The following PSMD14 variants were observed in gnomAD, a reference collection of about 807,000 sequenced individuals.
The protein encoded by PSMD14 is proteasome 26S subunit, non-ATPase 14.
Under a neutral mutation model 41.2 loss-of-function variants are expected in PSMD14, and 7 were observed. That is an observed-to-expected ratio of 0.17 (90% CI 0.10 to 0.32). The LOEUF is 0.32. Among genes scored for constraint, PSMD14 ranks in the 10% least tolerant of loss-of-function variants. The pLI, the probability that PSMD14 is intolerant of heterozygous loss-of-function variation, is 1.00. For missense variants in PSMD14, 139 were observed against 375.6 expected (o/e 0.37, Z 5.21); for synonymous variants, 114 against 122.3 (o/e 0.93, Z 0.45).
chr2:161,358,666 C>T lies in PSMD14; in HGVS notation c.49-8812C>T, dbSNP rs781717029. 4.9e-4 allele frequency among the ~76,000 whole-genome samples: 75 copies of T among 152,142 alleles called. 1 individual carries two copies. The highest frequency in any genetic ancestry group is 7.6e-4 in the Non-Finnish European group (52 of 68,034). ...TTTTTTCATGTTTAAAGAGCCTGGCCGGGCACGGTGGCTCACGCCTGTAAT... is the reference window on the plus strand; with the variant it reads ...TTTTTTCATGTTTAAAGAGCCTGGCTGGGCACGGTGGCTCACGCCTGTAAT... On this transcript the variant is annotated intron_variant, in intron 3 of 11. Transcript: ENST00000409682.
chr2:161,338,731 G>A (rs1258970273), intron 3 of PSMD14, among the ~76,000 whole-genome samples: 1 of 152,016 alleles, frequency 6.6e-6, no homozygotes, highest in Non-Finnish European at 1.5e-5. Context: ...ATTTACTCAG[G>A]AAACCATCAC....
intron 3 of PSMD14, among the ~76,000 whole-genome samples, chr2:161,344,079 C>A (rs1683007004): frequency 6.9e-6 from 1 of 145,288 alleles, no homozygotes; most frequent in Non-Finnish European, 1.5e-5. Context: ...TGGTTATATG[C>A]AAATACTAGG....
Position 161,336,255 on chromosome 2 carries a change from A to C in PSMD14, c.48+17382A>C, listed in dbSNP as rs147812990. On this transcript the variant is annotated intron_variant, in intron 3 of 11. Transcript: ENST00000409682. ...GTGCTAATTTATAACTTTTATATCA[A>C]CTGGCAAAATTGTGGTGCCTTGCCT... 6.9e-4 allele frequency among the ~76,000 whole-genome samples: 105 copies of C among 152,348 alleles called. 1 individual carries two copies. In the East Asian group the frequency reaches 0.017, roughly 24 times the overall value.
chr2:161,379,571 A>G (rs1683548301), intron 7 of PSMD14, among the ~76,000 whole-genome samples: 1 of 151,904 alleles, frequency 6.6e-6, no homozygotes, highest in Non-Finnish European at 1.5e-5. Flanking sequence ...TTTTAGGGTA[A>G]CTTTTTTCCA....
At position 161,328,202 on chromosome 2, in the gene PSMD14, G is replaced by A. The variant is rs77848849; in HGVS notation, c.48+9329G>A. 7.2e-4 allele frequency among the ~76,000 whole-genome samples: 109 copies of A among 152,020 alleles called. 2 individuals carry two copies. The East Asian group carries it at 0.02, about 27-fold the overall frequency. The stretch of plus-strand genomic sequence containing the variant: ...GGGAAACTTTTATATGTCTATATCA[G>A]GAGACATGTTGAAGAATATTGTTAA... On this transcript the variant is annotated intron_variant, in intron 3 of 11. Transcript: ENST00000409682.
At chr2:161,409,999 T>C (rs1684002040) in intron 11 of PSMD14, among the ~76,000 whole-genome samples, 1 of 152,002 alleles carries the variant, frequency 6.6e-6, no homozygotes, top group Non-Finnish European at 1.5e-5. Flanking sequence ...TCCAAGGCCA[T>C]AGTTTCTTGA....
chr2:161,343,650 A>C (rs1468170619), intron 3 of PSMD14, among the ~76,000 whole-genome samples: 2 of 152,218 alleles, frequency 1.3e-5, no homozygotes, highest in Non-Finnish European at 2.9e-5. Context: ...CAACATGGTG[A>C]AACCCTGTCT....
At chr2:161,399,319 TAAC>T (rs1237290039) in intron 10 of PSMD14, among the ~76,000 whole-genome samples, 2 of 152,158 alleles carry the variant, frequency 1.3e-5, no homozygotes, top group Non-Finnish European at 2.9e-5. Context: ...CTTCATAAAA[TAAC>T]AACTAACATT....
In PSMD14 at chr2:161,360,281, G is replaced by A. The variant is rs141182118; in HGVS notation, c.49-7197G>A. Among the ~76,000 whole-genome samples, 4 of 150,966 alleles carry A rather than the reference G, an allele frequency of 2.6e-5. No homozygotes were observed. In the East Asian group the frequency reaches 7.8e-4, roughly 29 times the overall value. On this transcript the variant is annotated intron_variant, in intron 3 of 11. Transcript: ENST00000409682. ...CATGACTCACTGCAGCCTTGACCTG[G>A]GCTCAAGTGATCCTCCCACCTCAGC...
At chr2:161,318,134 C>A (rs968125777) in intron 2 of PSMD14, among the ~76,000 whole-genome samples, 1 of 152,106 alleles carries the variant, frequency 6.6e-6, no homozygotes, top group Non-Finnish European at 1.5e-5. Context: ...AATTGAGAAG[C>A]ACAGTTGAAT....
intron 3 of PSMD14, among the ~76,000 whole-genome samples, chr2:161,365,277 G>T (rs926095953): frequency 6.6e-6 from 1 of 152,076 alleles, no homozygotes; most frequent in African/African-American, 2.4e-5. Flanking sequence ...CCTCTCTCTC[G>T]AGGTAACTCT....
intron 3 of PSMD14, among the ~76,000 whole-genome samples, chr2:161,337,496 T>C (rs542968687): frequency 3.3e-5 from 5 of 152,232 alleles, no homozygotes; most frequent in African/African-American, 9.6e-5. Context: ...GTGGTTAAGA[T>C]AGGATTAAAC....
intron 1 of PSMD14, among the ~76,000 whole-genome samples, chr2:161,312,145 AT>A (rs112312143): frequency 2.7e-3 from 390 of 142,304 alleles, no homozygotes; most frequent in East Asian, 5.1e-3. Context: ...CTGAAAAGTA[AT>A]TTTTTTTTTT....
intron 3 of PSMD14, among the ~76,000 whole-genome samples, chr2:161,363,590 C>T (rs1014210315): frequency 1.5e-4 from 23 of 152,184 alleles, no homozygotes; most frequent in Middle Eastern, 3.4e-3. Flanking sequence ...TTTGAATCAC[C>T]AGAATACTGC....
At chr2:161,408,727 T>A (rs913057787) in intron 10 of PSMD14, 110 bp from the exon 11 acceptor site, 17 of 752,408 alleles carry the variant, frequency 2.3e-5, no homozygotes, top group Non-Finnish European at 3.5e-5. Flanking sequence ...ATTATTTGAA[T>A]AAAAGTTGTA....
At chr2:161,344,026 T>G (rs1683006019) in intron 3 of PSMD14, among the ~76,000 whole-genome samples, 1 of 151,152 alleles carries the variant, frequency 6.6e-6, no homozygotes, top group Non-Finnish European at 1.5e-5. Flanking sequence ...TTAGGTATTA[T>G]AAGTAATCTA....
chr2:161,382,859 TA>T (rs763778226), intron 7 of PSMD14: 10 of 151,822 alleles, frequency 6.6e-5, no homozygotes, highest in Non-Finnish European at 1.5e-4. Context: ...AAAAATGGAT[TA>T]TTTCCCCTAC....
At chr2:161,403,538 C>A (rs1431785308) in intron 10 of PSMD14, among the ~76,000 whole-genome samples, 1 of 152,106 alleles carries the variant, frequency 6.6e-6, no homozygotes, top group Non-Finnish European at 1.5e-5. Context: ...AAATGTACCT[C>A]ATTTTTAAAA....
At chr2:161,399,998 T>C (rs1683854132) in intron 10 of PSMD14, among the ~76,000 whole-genome samples, 1 of 152,234 alleles carries the variant, frequency 6.6e-6, no homozygotes, top group Admixed American at 6.5e-5. Context: ...ATCTCTATCT[T>C]GCATATATGT....
Sources: allele counts gnomAD v4.1 joint callset (sites outside exome capture counted in the v4.1 genomes callset), GRCh38; gene constraint gnomAD v4.1.1; transcripts MANE v1.5; gene names NCBI Gene and HGNC (gene_info 2026-07-23, HGNC 2026-07-21).